The following RAD54L2 variants were observed in gnomAD, a reference collection of about 807,000 sequenced individuals.
The protein encoded by RAD54L2 is RAD54 like 2, also known as helicase ARIP4.
A neutral mutation model predicts 138.4 loss-of-function variants in RAD54L2; 27 were observed. That is an observed-to-expected ratio of 0.20 (90% CI 0.14 to 0.27). RAD54L2 has a LOEUF of 0.27. Ranked by LOEUF, RAD54L2 falls within the 10% of genes least tolerant of loss-of-function variation. RAD54L2 has a pLI of 1.00. For missense variants in RAD54L2, 1,396 were observed against 1,890.2 expected (o/e 0.74, Z 4.85); for synonymous variants, 644 against 723.2 (o/e 0.89, Z 1.76).
chr3:51,544,623 AGATG>A (rs1698638246), intron 2 of RAD54L2, among the ~76,000 whole-genome samples: 1 of 152,116 alleles, frequency 6.6e-6, no homozygotes, highest in Non-Finnish European at 1.5e-5. Flanking sequence ...GATTGATTGG[AGATG>A]GAGTCTTGCT....
At chr3:51,609,996 C>T (rs986225764) in intron 3 of RAD54L2, among the ~76,000 whole-genome samples, 4 of 151,454 alleles carry the variant, frequency 2.6e-5, no homozygotes, top group East Asian at 1.9e-4. Flanking sequence ...ATTAGCCGGG[C>T]GTGGCGGCAG....
chr3:51,623,117 A>G (rs1253350765), intron 3 of RAD54L2, among the ~76,000 whole-genome samples: 1 of 152,226 alleles, frequency 6.6e-6, no homozygotes. Flanking sequence ...GAAAGCAGGG[A>G]GCAGGAGAGG....
chr3:51,623,248 G>T (rs2106783251), intron 3 of RAD54L2, among the ~76,000 whole-genome samples: 1 of 152,330 alleles, frequency 6.6e-6, no homozygotes, highest in African/African-American at 2.4e-5. Flanking sequence ...ACAAGATGCA[G>T]TTTGCACATG....
At chr3:51,579,265 T>G (rs1699556065) in intron 2 of RAD54L2, among the ~76,000 whole-genome samples, 1 of 151,662 alleles carries the variant, frequency 6.6e-6, no homozygotes, top group Non-Finnish European at 1.5e-5. Flanking sequence ...AGCCTGGGAT[T>G]TTTATGGGTG....
chr3:51,613,659 G>T (rs1700383034), intron 3 of RAD54L2, among the ~76,000 whole-genome samples: 1 of 151,952 alleles, frequency 6.6e-6, no homozygotes, highest in African/African-American at 2.4e-5. Flanking sequence ...CCCAGCTACG[G>T]GAGGCTGAGG....
chr3:51,605,089 AT>A (rs35877053), intron 3 of RAD54L2, among the ~76,000 whole-genome samples: 310 of 123,096 alleles, frequency 2.5e-3, no homozygotes, highest in African/African-American at 6.4e-3. Flanking sequence ...TACCTGGCTA[AT>A]TTTTTTTTTT....
chr3:51,553,873 T>C (rs572977279), intron 2 of RAD54L2, among the ~76,000 whole-genome samples: 4 of 152,270 alleles, frequency 2.6e-5, no homozygotes, highest in Admixed American at 2.6e-4. Flanking sequence ...TATAGTCTAT[T>C]AAGTTCCTAA....
chr3:51,548,682 A>G (rs374829450), intron 2 of RAD54L2, among the ~76,000 whole-genome samples: 35 of 152,304 alleles, frequency 2.3e-4, no homozygotes, highest in African/African-American at 8.4e-4. Context: ...ATGTCCTCAT[A>G]AGATATTGTT....
In RAD54L2 at chr3:51,586,448, A is replaced by G. The variant is rs376604200; in HGVS notation, c.-54-3919A>G. ...TTGCCTTTGTTTTTTTTTTTTTGGA[A>G]GTCTCTGTCGCCACCACACAATTTC... is the stretch of plus-strand genomic sequence containing the variant. On this transcript the variant is annotated intron_variant, in intron 2 of 22. Coordinates refer to ENST00000684192, the MANE Select transcript of RAD54L2 (RefSeq NM_015106.4). Among the ~76,000 whole-genome samples, 5 of 150,168 alleles carry G rather than the reference A, an allele frequency of 3.3e-5. No homozygotes were observed. In the South Asian group the frequency reaches 6.3e-4, roughly 19 times the overall value.
At position 51,629,391 on chromosome 3, in the gene RAD54L2, GT is replaced by G; in HGVS notation, c.401del (p.Leu134TrpfsTer32). 1 of 1,606,326 alleles carries G rather than the reference GT, an allele frequency of 6.2e-7. No individual in the cohort carries two copies. Among genetic ancestry groups the G allele is most frequent in the Non-Finnish European group, 8.5e-7 (1 of 1,176,542 alleles). ...TTACCAAAGCAGCACAGCAAGAAGAGTTGGAAAGAAGGAAGCGCCTGGAGCA... is the reference window on the plus strand; with the variant it reads ...TTACCAAAGCAGCACAGCAAGAAGAGTGGAAAGAAGGAAGCGCCTGGAGCA... ...PVTKAAQQEE[L>X]ERRKRLEQQR... is the part of the protein sequence containing the mutation. On this transcript the variant is annotated frameshift_variant, in exon 5 of 23. Coordinates refer to ENST00000684192, the MANE Select transcript of RAD54L2 (RefSeq NM_015106.4). LOFTEE classifies it high-confidence loss of function.
rs554541251 is a variant in RAD54L2, at chr3:51,625,679, C to T, written c.140-1874C>T. ...TTTGAAACCAGCCTGGCCAACATAT[C>T]GAGACCTTGTCTCTACAAAAAAGAA... On this transcript the variant is annotated intron_variant, in intron 3 of 22. Coordinates refer to ENST00000684192, the MANE Select transcript of RAD54L2 (RefSeq NM_015106.4). Among the ~76,000 whole-genome samples, 32 of 151,624 alleles carry T rather than the reference C, an allele frequency of 2.1e-4. No individual in the cohort carries two copies. The East Asian group carries it at 2.9e-3, about 14-fold the overall frequency.
chr3:51,592,054 GTTTTTTTTTTTTT>G (rs71084151), intron 3 of RAD54L2, among the ~76,000 whole-genome samples: 4 of 66,872 alleles, frequency 6.0e-5, no homozygotes, highest in South Asian at 8.4e-4. Flanking sequence ...TGGTTTTGGT[GTTTTTTTTTTTTT>G]TTTTTTTTTT....
intron 2 of RAD54L2, among the ~76,000 whole-genome samples, chr3:51,546,885 T>C (rs1258165971): frequency 6.6e-6 from 1 of 151,536 alleles, no homozygotes; most frequent in Non-Finnish European, 1.5e-5. Flanking sequence ...AAAAATTAGC[T>C]GGATGTGGTG....
At chr3:51,611,068 C>G (rs1344455450) in intron 3 of RAD54L2, among the ~76,000 whole-genome samples, 1 of 152,052 alleles carries the variant, frequency 6.6e-6, no homozygotes, top group Non-Finnish European at 1.5e-5. Flanking sequence ...CCTCTGTTCT[C>G]CTATTCAGAT....
chr3:51,662,372 CCTT>C lies in RAD54L2; in HGVS notation c.3410-48_3410-46del, dbSNP rs1477418493. 6 of 1,426,990 alleles carry C rather than the reference CCTT, an allele frequency of 4.2e-6. No homozygotes were observed. The highest frequency in any genetic ancestry group is 1.5e-5 in the African/African-American group (1 of 68,830). The allele number at this position is 1,426,990 out of a possible 1,614,324, so 88.4% of individuals were successfully genotyped here. On this transcript the variant is annotated intron_variant, in intron 22 of 22. Coordinates refer to ENST00000684192, the MANE Select transcript of RAD54L2 (RefSeq NM_015106.4). The surrounding 1 kb of genome is among the most constrained non-coding windows in gnomAD (Gnocchi z 4.6). ...TTTTTAATGGAGTTTTCTCCTCTACCCTTCTTCTCTCCCTGGCCACTCTGATTC... is the reference window on the plus strand; with the variant it reads ...TTTTTAATGGAGTTTTCTCCTCTACCCTTCTCTCCCTGGCCACTCTGATTC...
chr3:51,644,631 G>C (rs1022556483), intron 16 of RAD54L2, among the ~76,000 whole-genome samples: 2 of 152,234 alleles, frequency 1.3e-5, no homozygotes, highest in African/African-American at 4.8e-5. Flanking sequence ...CTTGAAGGCT[G>C]TGCTGCCTTC....
At chr3:51,651,252 T>G (rs1175355749) in intron 19 of RAD54L2, among the ~76,000 whole-genome samples, 1 of 152,142 alleles carries the variant, frequency 6.6e-6, no homozygotes, top group Non-Finnish European at 1.5e-5. Flanking sequence ...GTTGAATCCC[T>G]GAATAGACCA....
intron 3 of RAD54L2, among the ~76,000 whole-genome samples, chr3:51,615,570 A>G (rs2106768402): frequency 6.6e-6 from 1 of 152,332 alleles, no homozygotes; most frequent in Non-Finnish European, 1.5e-5. Flanking sequence ...TGTCAGGCAT[A>G]ATGATACAAT....
chr3:51,659,849 AAATG>A (rs1218933441), intron 21 of RAD54L2, among the ~76,000 whole-genome samples, 173 bp from the exon 22 acceptor site: 1 of 152,224 alleles, frequency 6.6e-6, no homozygotes. Flanking sequence ...CTTGTGAAAT[AAATG>A]AATAATTATG....
Sources: gnomAD v4.1 joint callset for allele counts (sites outside exome capture counted in the v4.1 genomes callset) on GRCh38, gnomAD v4.1.1 for gene constraint, Gnocchi (gnomAD v3.1) non-coding constraint, MANE v1.5 for transcripts, NCBI Gene and HGNC (gene_info 2026-07-23, HGNC 2026-07-21) for gene names.